The following EYS variants were observed in gnomAD, a reference collection of about 807,000 sequenced individuals.
EYS encodes the protein protein eyes shut homolog.
A neutral mutation model predicts 282.1 loss-of-function variants in EYS; 250 were observed. That is an observed-to-expected ratio of 0.89 (90% CI 0.80 to 0.98). EYS has a LOEUF of 0.98. Among genes scored for constraint, EYS ranks in the 50% least tolerant of loss-of-function variants. EYS has a pLI of 0.00. For missense variants in EYS, 4,016 were observed against 3,709.0 expected (o/e 1.08, Z -2.15); for synonymous variants, 1,355 against 1,282.9 (o/e 1.06, Z -1.20).
At chr6:64,307,772 T>C (rs1190765620) in intron 29 of EYS, among the ~76,000 whole-genome samples, 1 of 152,054 alleles carries the variant, frequency 6.6e-6, no homozygotes, top group Non-Finnish European at 1.5e-5. Flanking sequence ...GTTAATTTGC[T>C]TCACTATAGT....
At chr6:64,840,220 TG>T (rs1663448118) in intron 19 of EYS, among the ~76,000 whole-genome samples, 1 of 152,098 alleles carries the variant, frequency 6.6e-6, no homozygotes, top group Admixed American at 6.6e-5. Flanking sequence ...AAGATTATCA[TG>T]GTGTTTAAAA....
chr6:64,650,033 A>G (rs1225762907), intron 22 of EYS, among the ~76,000 whole-genome samples: 1 of 152,118 alleles, frequency 6.6e-6, no homozygotes, highest in East Asian at 1.9e-4. Context: ...ATAATTTGAT[A>G]TCTAACAAAA....
intron 26 of EYS, among the ~76,000 whole-genome samples, chr6:64,454,628 T>C (rs1440683480): frequency 3.3e-5 from 5 of 152,134 alleles, no homozygotes; most frequent in Non-Finnish European, 5.9e-5. Context: ...CATGTATACT[T>C]GTGGTATAAT....
chr6:64,880,844 A>G (rs1324454227), intron 19 of EYS, among the ~76,000 whole-genome samples: 1 of 150,424 alleles, frequency 6.6e-6, no homozygotes, highest in African/African-American at 2.4e-5. Flanking sequence ...ATATACACAC[A>G]CACATATATT....
intron 26 of EYS, among the ~76,000 whole-genome samples, chr6:64,450,182 A>AC (rs1303305653): frequency 6.6e-6 from 1 of 152,020 alleles, no homozygotes; most frequent in East Asian, 1.9e-4. Context: ...CAAACAGAAG[A>AC]CAAAAAAAAG....
intron 35 of EYS, among the ~76,000 whole-genome samples, chr6:63,966,976 G>C (rs1766341413): frequency 6.6e-6 from 1 of 152,050 alleles, no homozygotes; most frequent in Non-Finnish European, 1.5e-5. Context: ...TTTCCTTTTG[G>C]TACATACTTA....
intron 32 of EYS, among the ~76,000 whole-genome samples, chr6:64,066,929 TTTC>T (rs1771392673): frequency 6.6e-6 from 1 of 152,138 alleles, no homozygotes; most frequent in Non-Finnish European, 1.5e-5. Flanking sequence ...TGATTTCTAA[TTTC>T]TTATGTTTAT....
At chr6:63,850,646 G>A (rs959192068) in intron 36 of EYS, among the ~76,000 whole-genome samples, 1 of 152,088 alleles carries the variant, frequency 6.6e-6, no homozygotes, top group African/African-American at 2.4e-5. Context: ...GTGACCACCA[G>A]GTCAGCCTTA....
At chr6:63,813,422 G>A (rs1309080744) in intron 36 of EYS, among the ~76,000 whole-genome samples, 5 of 152,058 alleles carry the variant, frequency 3.3e-5, no homozygotes, top group Non-Finnish European at 5.9e-5. Context: ...TAGGTTTCTT[G>A]GGACAATTGA....
intron 29 of EYS, among the ~76,000 whole-genome samples, chr6:64,368,825 T>A (rs559953467): frequency 6.6e-6 from 1 of 152,310 alleles, no homozygotes; most frequent in African/African-American, 2.4e-5. Context: ...TATGCATAGT[T>A]TTCAAATATT....
At chr6:65,062,385 C>T (rs1385648952) in intron 12 of EYS, among the ~76,000 whole-genome samples, 1 of 151,942 alleles carries the variant, frequency 6.6e-6, no homozygotes, top group Non-Finnish European at 1.5e-5. Flanking sequence ...CTATTTATCT[C>T]CATCTCTATT....
intron 22 of EYS, among the ~76,000 whole-genome samples, chr6:64,720,152 A>T (rs764240975): frequency 6.6e-6 from 1 of 152,128 alleles, no homozygotes; most frequent in Non-Finnish European, 1.5e-5. Flanking sequence ...CTACTTCCTC[A>T]CCTTTTCCAG....
chr6:65,274,472 T>G (rs763876177), intron 12 of EYS, among the ~76,000 whole-genome samples: 2 of 152,196 alleles, frequency 1.3e-5, no homozygotes, highest in Non-Finnish European at 2.9e-5. Flanking sequence ...CACATCTCCT[T>G]GTCCCTAGTA....
In EYS at chr6:65,288,455, G is replaced by A. The variant is rs563764425; in HGVS notation, c.2023+7408C>T. On this transcript the variant is annotated intron_variant, in intron 12 of 42. Transcript: ENST00000503581. ...GAGATAGATACAAACAAACACATAT[G>A]TATATATGTGTTCATAGATACAAGC... Among the ~76,000 whole-genome samples the A allele has an allele frequency of 1.1e-4, 16 of 150,542 alleles. No individual in the cohort carries two copies. The East Asian group carries it at 3.1e-3, about 29-fold the overall frequency.
intron 22 of EYS, among the ~76,000 whole-genome samples, chr6:64,682,785 T>C (rs941429533): frequency 1.1e-4 from 17 of 152,308 alleles, no homozygotes; most frequent in Middle Eastern, 3.4e-3. Context: ...CTTCCTTTTT[T>C]TCCTGTTCTA....
chr6:64,393,604 A>C (rs1326444046), intron 28 of EYS, among the ~76,000 whole-genome samples: 1 of 152,104 alleles, frequency 6.6e-6, no homozygotes, highest in East Asian at 1.9e-4. Flanking sequence ...AAAACTCTCA[A>C]TAAATTAGGT....
chr6:65,154,154 A>G (rs904526858), intron 12 of EYS, among the ~76,000 whole-genome samples: 3 of 151,742 alleles, frequency 2.0e-5, no homozygotes, highest in Non-Finnish European at 2.9e-5. Context: ...CCTACCACAT[A>G]TAAGTAGATA....
intron 22 of EYS, among the ~76,000 whole-genome samples, chr6:64,666,764 G>T (rs1769243571): frequency 6.6e-6 from 1 of 152,056 alleles, no homozygotes; most frequent in East Asian, 1.9e-4. Context: ...ATCTCAAAAG[G>T]AACCTACCAA....
intron 1 of EYS, among the ~76,000 whole-genome samples, chr6:65,644,916 T>A (rs1994603): frequency 6.6e-6 from 1 of 152,016 alleles, no homozygotes; most frequent in Admixed American, 6.6e-5. Context: ...CTAAAAGGAG[T>A]GATAAGACTT....
Sources: allele counts gnomAD v4.1 joint callset (sites outside exome capture counted in the v4.1 genomes callset), GRCh38; gene constraint gnomAD v4.1.1; transcripts MANE v1.5; gene names NCBI Gene and HGNC (gene_info 2026-07-23, HGNC 2026-07-21).